ZNF556: variants seen among roughly 807,000 people sequenced by gnomAD.
ZNF556 encodes the protein zinc finger protein 556.
In ZNF556, 11 loss-of-function variants were observed where a neutral mutation model predicts 13.6. The ratio of observed to expected loss-of-function variants is 0.81; its 90% confidence interval spans 0.51 to 1.33. The LOEUF is 1.33. ZNF556 is among the 40% of genes most tolerant of loss of function. The probability of loss-of-function intolerance (pLI) is 0.00; values close to 1 mark genes in which losing one functional copy is unlikely to be tolerated. For missense variants in ZNF556, 633 were observed against 566.2 expected (o/e 1.12, Z -1.20); for synonymous variants, 229 against 207.8 (o/e 1.10, Z -0.88).
At chr19:2,871,441 T>A (rs1482195493) in intron 1 of ZNF556, among the ~76,000 whole-genome samples, 1 of 152,172 alleles carries the variant, frequency 6.6e-6, no homozygotes, top group African/African-American at 2.4e-5. Context: ...GTGAACCAAC[T>A]TTCCATTGTA....
At position 2,880,615 on chromosome 19, in the gene ZNF556, A is replaced by G. The variant is rs556780013; in HGVS notation, c.*2286A>G. 5 of 152,080 alleles carry G rather than the reference A, an allele frequency of 3.3e-5. No homozygotes were observed. Among genetic ancestry groups the G allele is most frequent in the African/African-American group, 1.2e-4 (5 of 41,516 alleles). 9.4% of individuals were successfully genotyped at this position (152,080 alleles called of 1,614,324 possible). On this transcript the variant is annotated 3_prime_UTR_variant, in exon 4 of 4. Transcript: ENST00000307635. ...AAACCCCATCTCTACTAAAAATACAAAATATTAGTGGGGTGTGCTGGTAGG... is the reference window on the plus strand; with the variant it reads ...AAACCCCATCTCTACTAAAAATACAGAATATTAGTGGGGTGTGCTGGTAGG...
intron 1 of ZNF556, among the ~76,000 whole-genome samples, chr19:2,868,646 ACCT>A (rs2087776936): frequency 6.6e-6 from 1 of 150,960 alleles, no homozygotes; most frequent in African/African-American, 2.4e-5. Context: ...CCAACTCCTG[ACCT>A]CAGGTGATCC....
Position 2,873,622 on chromosome 19 carries a change from G to C in ZNF556, c.130G>C (p.Asp44His). ...GACCTTCAAGCACCTGGCCTCAGTAGGTGAGGATAGCATTATTTCTGCACT... is the reference window on the plus strand; with the variant it reads ...GACCTTCAAGCACCTGGCCTCAGTACGTGAGGATAGCATTATTTCTGCACT... ...LETFKHLASV[D>H]NEAQLKASGS... is the part of the protein sequence containing the mutation. The change falls in exon 2 of 4, where the codon GAT becomes CAT. Residue 44 changes from aspartate to histidine, a missense_variant and splice_region_variant. Physicochemically the swap from Asp to His is moderately conservative, Grantham distance 81 (BLOSUM62 -1). Transcript: ENST00000307635. The C allele has an allele frequency of 6.2e-7, 1 of 1,613,090 alleles. No individual in the cohort carries two copies. The highest frequency in any genetic ancestry group is 2.2e-5 in the East Asian group (1 of 44,856).
chr19:2,875,701 A>G (rs879516109), intron 2 of ZNF556: 32 of 164,066 alleles, frequency 2.0e-4, no homozygotes, highest in Non-Finnish European at 3.4e-4. Flanking sequence ...ACAGTGGCTC[A>G]CACCTGTAAT....
chr19:2,873,216 CAG>C (rs1294884054), intron 1 of ZNF556, among the ~76,000 whole-genome samples: 1 of 151,982 alleles, frequency 6.6e-6, no homozygotes, highest in East Asian at 1.9e-4. Flanking sequence ...TAACTGGTAA[CAG>C]ATGTGTTAAT....
chr19:2,873,773 G>T, intron 2 of ZNF556, 151 bp downstream of exon 2: 1 of 884,602 alleles, frequency 1.1e-6, no homozygotes. Context: ...GGGCAACATA[G>T]TGAGACCTTG....
chr19:2,877,962 GAA>G lies in ZNF556; in HGVS notation c.1005_1006del (p.Arg335SerfsTer4), dbSNP rs1327866220. On this transcript the variant is annotated frameshift_variant, in exon 4 of 4. Transcript: ENST00000307635. LOFTEE classifies it low-confidence loss of function (END_TRUNC). ...CCCTCATCCTTACACAAACACGCGAGAACGCATGCTAAAAAGAAACCTGTGAG... is the reference window on the plus strand; with the variant it reads ...CCCTCATCCTTACACAAACACGCGAGCGCATGCTAAAAAGAAACCTGTGAG... 6.2e-7 allele frequency: 1 copy of G among 1,614,182 alleles called. No individual in the cohort carries two copies. Among genetic ancestry groups the G allele is most frequent in the Admixed American group, 1.7e-5 (1 of 60,010 alleles).
chr19:2,869,075 C>G (rs1360096080), intron 1 of ZNF556, among the ~76,000 whole-genome samples: 3 of 152,112 alleles, frequency 2.0e-5, no homozygotes, highest in African/African-American at 4.8e-5. Context: ...TTCATTAATT[C>G]CACTGCTTGC....
intron 1 of ZNF556, among the ~76,000 whole-genome samples, chr19:2,869,199 C>T (rs2087781783): frequency 4.6e-5 from 7 of 152,076 alleles, no homozygotes; most frequent in Admixed American, 2.0e-4. Context: ...GCAGTATATC[C>T]TCATCCTCTC....
Position 2,875,725 on chromosome 19 carries a change from G to C in ZNF556, c.131-368G>C, listed in dbSNP as rs539075642. Reference sequence around the variant, plus strand: ...CACACCTGTAATCCCAGCACTTTGGGAGGCCAAGGCAGGCGAATCACAAGG... The same window carrying C: ...CACACCTGTAATCCCAGCACTTTGGCAGGCCAAGGCAGGCGAATCACAAGG... On this transcript the variant is annotated intron_variant, in intron 2 of 3. Transcript: ENST00000307635. 1.7e-4 allele frequency: 28 copies of C among 168,622 alleles called. 1 individual carries two copies. In the South Asian group the frequency reaches 3.8e-3, roughly 23 times the overall value. 10.4% of individuals were successfully genotyped at this position (168,622 alleles called of 1,614,324 possible). A position where few individuals can be genotyped will look rare whatever the true frequency, so the allele number is the denominator to read the frequency against.
Position 2,872,323 on chromosome 19 carries a change from C to T in ZNF556, c.4-1173C>T, listed in dbSNP as rs78724170. 1.1e-3 allele frequency among the ~76,000 whole-genome samples: 169 copies of T among 151,418 alleles called. 2 individuals carry two copies. In the East Asian group the frequency reaches 0.029, roughly 26 times the overall value. ...TACCGCTAGACCACGGTTCACTTGG[C>T]AACAGGCGTCTTCCCAGACGCTGGC... On this transcript the variant is annotated intron_variant, in intron 1 of 3. Coordinates refer to ENST00000307635, the MANE Select transcript of ZNF556 (RefSeq NM_024967.3).
Position 2,877,438 on chromosome 19 carries a change from A to T in ZNF556, c.480A>T (p.Ser160=). The change falls in exon 4 of 4, where the codon TCA becomes TCT. Residue 160 remains serine (S), a synonymous_variant. Coordinates refer to ENST00000307635, the MANE Select transcript of ZNF556 (RefSeq NM_024967.3). ...GTGGAAAACTCTTCACCCATTCCTCATCCCTGATAAGGCACAAAAGAGCTC... is the reference window on the plus strand; with the variant it reads ...GTGGAAAACTCTTCACCCATTCCTCTTCCCTGATAAGGCACAAAAGAGCTC... ...SQCGKLFTHS[S]SLIRHKRAHS... 1 of 1,614,168 alleles carries T rather than the reference A, an allele frequency of 6.2e-7. No homozygotes were observed. The highest frequency in any genetic ancestry group is 1.3e-5 in the African/African-American group (1 of 75,056).
rs113865515 is a variant in ZNF556, at chr19:2,873,388, T to C, written c.4-108T>C. The stretch of plus-strand genomic sequence containing the variant: ...GTCTGAGGACTGAGTCTTAAATAGA[T>C]ATTGGCAGACTGCAGGATCTTGTGT... On this transcript the variant is annotated intron_variant, in intron 1 of 3. Coordinates refer to ENST00000307635, the MANE Select transcript of ZNF556 (RefSeq NM_024967.3). 1.5e-3 allele frequency: 1,927 copies of C among 1,328,328 alleles called. 27 individuals are homozygous for C. The African/African-American group carries it at 0.025, about 17-fold the overall frequency. 82.3% of individuals were successfully genotyped at this position (1,328,328 alleles called of 1,614,324 possible).
rs540334900 is a variant in ZNF556, at chr19:2,877,965, C to T, written c.1007C>T (p.Thr336Met). ...WPSSLHKHARTHAKKKPVSGG... is the reference protein window; with the variant it reads ...WPSSLHKHARMHAKKKPVSGG... The stretch of plus-strand genomic sequence containing the variant: ...TCATCCTTACACAAACACGCGAGAA[C>T]GCATGCTAAAAAGAAACCTGTGAGT... Residue 336 changes from threonine (T) to methionine (M), a missense_variant, in exon 4 of 4, where the codon ACG becomes ATG. Coordinates refer to ENST00000307635, the MANE Select transcript of ZNF556 (RefSeq NM_024967.3). 1.3e-5 allele frequency: 21 copies of T among 1,614,076 alleles called. No homozygotes were observed. Among genetic ancestry groups the T allele is most frequent in the Middle Eastern group, 1.6e-4 (1 of 6,062 alleles).
intron 1 of ZNF556, among the ~76,000 whole-genome samples, chr19:2,869,647 G>A (rs891570399): frequency 3.9e-5 from 6 of 152,128 alleles, no homozygotes; most frequent in South Asian, 2.1e-4. Context: ...ATTAACAGGC[G>A]TGAGCCACCG....
At chr19:2,871,657 C>T (rs558549297) in intron 1 of ZNF556, among the ~76,000 whole-genome samples, 5 of 152,112 alleles carry the variant, frequency 3.3e-5, no homozygotes, top group Non-Finnish European at 7.4e-5. Flanking sequence ...ACTAAAAATA[C>T]AAAAATTAGT....
chr19:2,872,732 T>C (rs1241576567), intron 1 of ZNF556, among the ~76,000 whole-genome samples: 5 of 151,156 alleles, frequency 3.3e-5, no homozygotes. Context: ...GGCAGGAGAA[T>C]TGCTTGAACC....
At chr19:2,876,432 A>G (rs1227119959) in intron 3 of ZNF556, among the ~76,000 whole-genome samples, 156 bp downstream of exon 3, 2 of 151,156 alleles carry the variant, frequency 1.3e-5, no homozygotes, top group Admixed American at 1.3e-4. Context: ...TCTACTAAAA[A>G]TACAAAAATG....
intron 3 of ZNF556, among the ~76,000 whole-genome samples, chr19:2,876,936 G>A (rs181272831): frequency 9.2e-5 from 14 of 152,062 alleles, no homozygotes; most frequent in East Asian, 3.9e-4. Context: ...ATAATTGGCC[G>A]GTGCAGTGGC....
Sources: gnomAD v4.1 joint callset for allele counts (sites outside exome capture counted in the v4.1 genomes callset) on GRCh38, gnomAD v4.1.1 for gene constraint, MANE v1.5 for transcripts, NCBI Gene and HGNC (gene_info 2026-07-23, HGNC 2026-07-21) for gene names.